The following VPS13B variants were observed in gnomAD, a reference collection of about 807,000 sequenced individuals.
VPS13B encodes intermembrane lipid transfer protein VPS13B.
A neutral mutation model predicts 426.4 loss-of-function variants in VPS13B; 285 were observed. That is an observed-to-expected ratio of 0.67 (90% confidence interval 0.61 to 0.74). VPS13B has a LOEUF of 0.74. Ranked by LOEUF, VPS13B falls within the 30% of genes least tolerant of loss-of-function variation. The pLI, the probability that VPS13B is intolerant of heterozygous loss-of-function variation, is 0.00. For synonymous variants in VPS13B, 1,676 were observed against 1,676.4 expected, an observed-to-expected ratio of 1.00 and a Z score of 0.01; for missense variants, 4,537 against 4,782.6, an observed-to-expected ratio of 0.95 and a Z score of 1.51.
intron 19 of VPS13B, among the ~76,000 whole-genome samples, chr8:99,343,513 T>C (rs1811366180): frequency 6.6e-6 from 1 of 152,220 alleles, no homozygotes; most frequent in Non-Finnish European, 1.5e-5. Context: ...TTCACTTTGT[T>C]AATTGCTTCC....
chr8:99,596,099 G>A (rs1266462980), intron 33 of VPS13B, among the ~76,000 whole-genome samples: 1 of 151,864 alleles, frequency 6.6e-6, no homozygotes, highest in African/African-American at 2.4e-5. Flanking sequence ...GTGACATTTG[G>A]GGCACATTTG....
intron 24 of VPS13B, among the ~76,000 whole-genome samples, chr8:99,480,609 C>G (rs1278632681): frequency 6.6e-6 from 1 of 151,978 alleles, no homozygotes; most frequent in Admixed American, 6.6e-5. Context: ...AGATTTTTAG[C>G]TACTAGATTA....
intron 3 of VPS13B, among the ~76,000 whole-genome samples, chr8:99,080,919 G>A (rs972066343): frequency 3.3e-5 from 5 of 152,120 alleles, no homozygotes; most frequent in African/African-American, 1.2e-4. Flanking sequence ...CATTGTTAGT[G>A]TTATAGTTAC....
intron 33 of VPS13B, among the ~76,000 whole-genome samples, chr8:99,582,746 C>G (rs916882159): frequency 2.2e-4 from 34 of 152,168 alleles, no homozygotes; most frequent in African/African-American, 7.7e-4. Flanking sequence ...AGCTCCGCCT[C>G]CTGTGTTCAC....
intron 19 of VPS13B, among the ~76,000 whole-genome samples, chr8:99,331,279 G>A (rs1297164859): frequency 6.6e-6 from 1 of 151,770 alleles, no homozygotes; most frequent in Non-Finnish European, 1.5e-5. Context: ...GGATCAACCT[G>A]TTCATTTTAA....
intron 43 of VPS13B, 22 bp downstream of exon 43, chr8:99,784,498 A>C: frequency 6.2e-7 from 1 of 1,613,380 alleles, no homozygotes. Context: ...ACACCCTTAC[A>C]AACAGCCATT....
chr8:99,352,755 C>T (rs949446790), intron 19 of VPS13B, among the ~76,000 whole-genome samples: 2 of 151,002 alleles, frequency 1.3e-5, no homozygotes, highest in Admixed American at 6.6e-5. Context: ...ACCCGGGAGG[C>T]GGAGGTTGCT....
chr8:99,730,547 A>C (rs1313443332), intron 39 of VPS13B, among the ~76,000 whole-genome samples: 1 of 152,170 alleles, frequency 6.6e-6, no homozygotes, highest in Non-Finnish European at 1.5e-5. Context: ...CTAGGAATAC[A>C]TTAAAAAGAG....
chr8:99,180,300 C>T (rs1689440787), intron 16 of VPS13B, among the ~76,000 whole-genome samples: 1 of 152,130 alleles, frequency 6.6e-6, no homozygotes, highest in South Asian at 2.1e-4. Flanking sequence ...AGGCCATTCC[C>T]TCCAGAGACT....
chr8:99,495,433 A>G (rs1468512366), intron 25 of VPS13B, among the ~76,000 whole-genome samples: 2 of 152,274 alleles, frequency 1.3e-5, no homozygotes, highest in East Asian at 3.9e-4. Context: ...TTAGAGTTGA[A>G]TCTGACCACT....
intron 42 of VPS13B, among the ~76,000 whole-genome samples, chr8:99,783,197 C>T (rs551207518): frequency 5.1e-4 from 77 of 152,240 alleles, no homozygotes; most frequent in Admixed American, 9.8e-4. Flanking sequence ...ATGCCTCCTC[C>T]GTACTTGAAT....
rs572834821 is a variant in VPS13B at position 99,635,068 on chromosome 8, A to G, written c.5221-6743A>G. Among the ~76,000 whole-genome samples, 4 of 152,070 alleles carry G rather than the reference A, an allele frequency of 2.6e-5. No homozygotes were observed. In the East Asian group the frequency reaches 7.7e-4, roughly 29 times the overall value. On this transcript the variant is annotated intron_variant, in intron 33 of 61. Coordinates refer to ENST00000357162, the MANE Select transcript of VPS13B (RefSeq NM_152564.5). ...ACCCTACCTCATCCCACAAACTTCT[A>G]AAGCATAGAGCTAGAAGTATGTTTG...
chr8:99,832,615 C>T lies in VPS13B; in HGVS notation c.9577C>T (p.Pro3193Ser). Residue 3193 changes from proline to serine, a missense_variant, in exon 52 of 62, where the codon CCC becomes TCC. Around this residue, in one of 2 missense-constraint regions of VPS13B, gnomAD observed 4,311 missense variants for 4,474.3 expected, o/e 0.96. Transcript: ENST00000357162. ...PEFPRQSVAV[P>S]LGNFRENGFC... ...GTTTCCCAGACAGAGTGTGGCAGTA[C>T]CCCTCGGGAATTTCCGGGAAAATGG... 1 of 1,613,820 alleles carries T rather than the reference C, an allele frequency of 6.2e-7. No individual in the cohort carries two copies. Among genetic ancestry groups the T allele is most frequent in the Non-Finnish European group, 8.5e-7 (1 of 1,179,992 alleles).
intron 19 of VPS13B, chr8:99,347,431 C>T: frequency 5.9e-6 from 1 of 169,952 alleles, no homozygotes; most frequent in Non-Finnish European, 1.3e-5. Flanking sequence ...CTTGGATTGG[C>T]ATTGTCTCCT....
At position 99,819,482 on chromosome 8, in the gene VPS13B, G is replaced by A. The variant is rs200611924; in HGVS notation, c.8692G>A (p.Val2898Ile). ...TSLIKQIATK[V>I]HPGGTVNQIL... ...CCTCATTAAGCAAATAGCCACTAAG[G>A]TACACCCTGGAGGCACAGTTAATCA... is the stretch of plus-strand genomic sequence containing the variant. Residue 2898 changes from valine (V) to isoleucine (I), a missense_variant, in exon 48 of 62, where the codon GTA (valine) becomes ATA (isoleucine). Transcript: ENST00000357162. The A allele has an allele frequency of 6.2e-7, 1 of 1,613,778 alleles. No homozygotes were observed. The highest frequency in any genetic ancestry group is 8.5e-7 in the Non-Finnish European group (1 of 1,179,848).
At chr8:99,396,251 T>C in intron 21 of VPS13B, among the ~76,000 whole-genome samples, 1 of 152,216 alleles carries the variant, frequency 6.6e-6, no homozygotes, top group South Asian at 2.1e-4. Context: ...TGTATACATA[T>C]ATATATATTT....
At chr8:99,315,320 T>A (rs913718180) in intron 19 of VPS13B, among the ~76,000 whole-genome samples, 1 of 136,970 alleles carries the variant, frequency 7.3e-6, no homozygotes, top group Non-Finnish European at 1.6e-5. Context: ...TTGTTAATTG[T>A]TTTAAATTCT....
chr8:99,640,379 C>T (rs1829309246), intron 33 of VPS13B, among the ~76,000 whole-genome samples: 1 of 151,964 alleles, frequency 6.6e-6, no homozygotes, highest in African/African-American at 2.4e-5. Context: ...CAGGCTCAAG[C>T]CATCAGCTTC....
rs1828221361 is a variant in VPS13B, at chr8:99,618,852, G to A, written c.5221-22959G>A. ...GGCTACAAATAACAGAAAACCTAGAGTATTGTACAGGAAGGAAATGTCTCA... is the reference window on the plus strand; with the variant it reads ...GGCTACAAATAACAGAAAACCTAGAATATTGTACAGGAAGGAAATGTCTCA... On this transcript the variant is annotated intron_variant, in intron 33 of 61. Transcript: ENST00000357162. 2.6e-5 allele frequency among the ~76,000 whole-genome samples: 4 copies of A among 152,250 alleles called. No individual in the cohort carries two copies. The South Asian group carries it at 8.3e-4, about 32-fold the overall frequency.
Sources: allele counts gnomAD v4.1 joint callset (sites outside exome capture counted in the v4.1 genomes callset), GRCh38; gene constraint gnomAD v4.1.1; regional missense constraint gnomAD v4.1.1; transcripts MANE v1.5; gene names NCBI Gene and HGNC (gene_info 2026-07-23, HGNC 2026-07-21).